Variants in ATL3 observed in about 807,000 individuals in gnomAD.
ATL3 encodes atlastin-3.
ATL3 carries 49 observed loss-of-function variants against 69.5 expected under a neutral mutation model. The ratio of observed to expected loss-of-function variants is 0.71; its 90% CI spans 0.56 to 0.89. ATL3 has a LOEUF of 0.89. Among genes scored for constraint, ATL3 ranks in the 40% least tolerant of loss-of-function variants. ATL3 has a pLI of 0.00. For synonymous variants in ATL3, 214 were observed against 224.1 expected (o/e 0.95, Z 0.40); for missense variants, 606 against 645.7 (o/e 0.94, Z 0.67).
Position 63,629,243 on chromosome 11 carries a change from G to C in ATL3, c.*76C>G, listed in dbSNP as rs878877755. 8.4e-7 allele frequency: 1 copy of C among 1,195,094 alleles called. No individual in the cohort carries two copies. The highest frequency in any genetic ancestry group is 1.2e-5 in the South Asian group (1 of 81,382). The allele number at this position is 1,195,094 out of a possible 1,614,324, so 74.0% of individuals were successfully genotyped here. On this transcript the variant is annotated 3_prime_UTR_variant, in exon 13 of 13. Transcript: ENST00000398868. ...TCAGATCTGCCATTCCTCTGGATAT[G>C]AACCTGTGGCCGTGGCAGAAACCCA...
At chr11:63,646,352 A>AT (rs1189218461) in intron 6 of ATL3, among the ~76,000 whole-genome samples, 155 bp downstream of exon 6, 1 of 152,130 alleles carries the variant, frequency 6.6e-6, no homozygotes, top group Non-Finnish European at 1.5e-5. Flanking sequence ...AGTACTGCTC[A>AT]TTTTTTTCAA....
chr11:63,653,438 C>A (rs1490895554), intron 3 of ATL3, among the ~76,000 whole-genome samples: 1 of 151,656 alleles, frequency 6.6e-6, no homozygotes, highest in Non-Finnish European at 1.5e-5. Flanking sequence ...GTACTCCAGC[C>A]TGGGTGAGAG....
rs1214800612 is a variant in ATL3, at chr11:63,625,782, G to A, written c.*3537C>T. 6.6e-6 allele frequency: 1 copy of A among 152,274 alleles called. No individual in the cohort carries two copies. The highest frequency in any genetic ancestry group is 2.4e-5 in the African/African-American group (1 of 41,454). 9.4% of individuals were successfully genotyped at this position (152,274 alleles called of 1,614,324 possible). A position where few individuals can be genotyped will look rare whatever the true frequency, so the allele number is the denominator to read the frequency against. ...ACAGGCGGATTCCCAGAGGAGTTGA[G>A]ACCAGCCTGGTCAACATGGCGAAGC... On this transcript the variant is annotated 3_prime_UTR_variant, in exon 13 of 13. Coordinates refer to ENST00000398868, the MANE Select transcript of ATL3 (RefSeq NM_015459.5).
At chr11:63,669,388 AC>A (rs1399296141) in intron 1 of ATL3, among the ~76,000 whole-genome samples, 3 of 150,770 alleles carry the variant, frequency 2.0e-5, no homozygotes, top group Non-Finnish European at 3.0e-5. Context: ...TACAAAAATT[AC>A]CCAGGCGCGG....
At chr11:63,659,943 T>C (rs565559331) in intron 1 of ATL3, among the ~76,000 whole-genome samples, 14 of 152,130 alleles carry the variant, frequency 9.2e-5, no homozygotes, top group African/African-American at 3.1e-4. Context: ...CTCAAGTTAA[T>C]GGGTGCAGCA....
Position 63,652,535 on chromosome 11 carries a change from C to CT in ATL3, c.445dup (p.Ser149LysfsTer19), listed in dbSNP as rs770614699. 30 of 1,611,732 alleles carry CT rather than the reference C, an allele frequency of 1.9e-5. 1 individual carries two copies. In the South Asian group the frequency reaches 3.3e-4, roughly 18 times the overall value. On this transcript the variant is annotated frameshift_variant, in exon 4 of 13. Transcript: ENST00000398868. LOFTEE classifies it high-confidence loss of function. Reference sequence around the variant, plus strand: ...AGCACAGTCTTTCACAGTTGACTGGCTGTCAAATGCCCCCTGGGTATCCAT... The same window carrying CT: ...AGCACAGTCTTTCACAGTTGACTGGCTTGTCAAATGCCCCCTGGGTATCCAT...
intron 1 of ATL3, among the ~76,000 whole-genome samples, chr11:63,668,023 T>C (rs572435331): frequency 6.6e-6 from 1 of 152,300 alleles, no homozygotes; most frequent in South Asian, 2.1e-4. Flanking sequence ...TAAGAACCAC[T>C]GAGTAGAGTC....
rs1179245858 is a variant in ATL3, at chr11:63,626,819, T to G, written c.*2500A>C. 6.6e-6 allele frequency: 1 copy of G among 152,146 alleles called. No homozygotes were observed. The highest frequency in any genetic ancestry group is 1.5e-5 in the Non-Finnish European group (1 of 68,026). 9.4% of individuals were successfully genotyped at this position (152,146 alleles called of 1,614,324 possible). A position where few individuals can be genotyped will look rare whatever the true frequency, so the allele number is the denominator to read the frequency against. ...ATTTATAGCCAGTAATGATAATGCA[T>G]CTTTTATTGAAAAAGCTGATATAAA... is the stretch of plus-strand genomic sequence containing the variant. On this transcript the variant is annotated 3_prime_UTR_variant, in exon 13 of 13. Transcript: ENST00000398868.
intron 5 of ATL3, among the ~76,000 whole-genome samples, chr11:63,648,573 C>T (rs912375582): frequency 6.6e-6 from 1 of 152,208 alleles, no homozygotes; most frequent in Non-Finnish European, 1.5e-5. Context: ...CTTTGGGAGG[C>T]CAAGGCAGGG....
chr11:63,636,280 T>A lies in ATL3; in HGVS notation c.905A>T (p.Asn302Ile), dbSNP rs1028875803. The A allele has an allele frequency of 8.7e-6, 14 of 1,613,842 alleles. No homozygotes were observed. The highest frequency in any genetic ancestry group is 1.2e-5 in the Non-Finnish European group (14 of 1,179,992). Residue 302 changes from asparagine (N) to isoleucine (I), a missense_variant, in exon 9 of 13, where the codon AAC becomes ATC. By Grantham distance (149) the Asn-to-Ile change is moderately radical. Coordinates refer to ENST00000398868, the MANE Select transcript of ATL3 (RefSeq NM_015459.5). ...CTCCTTTTCCATTAACTTAGATGGG[T>A]TTAATACATACGGTATCAGTGCCTG... ...QLQALIPYVL[N>I]PSKLMEKEIN...
At chr11:63,648,935 T>C (rs1425216978) in intron 5 of ATL3, among the ~76,000 whole-genome samples, 1 of 151,908 alleles carries the variant, frequency 6.6e-6, no homozygotes, top group Non-Finnish European at 1.5e-5. Context: ...CTGACCAACA[T>C]AGTGAAACCC....
intron 8 of ATL3, among the ~76,000 whole-genome samples, chr11:63,639,222 T>C (rs995737716): frequency 3.3e-5 from 5 of 152,162 alleles, no homozygotes; most frequent in African/African-American, 1.2e-4. Context: ...AGCATCCAAT[T>C]TACTCTTCAC....
chr11:63,650,289 T>C (rs1033753427), intron 5 of ATL3, among the ~76,000 whole-genome samples: 5 of 152,240 alleles, frequency 3.3e-5, no homozygotes, highest in African/African-American at 7.2e-5. Context: ...TTAAATCTTT[T>C]ATATGCCTCA....
At chr11:63,663,761 T>G (rs937447287) in intron 1 of ATL3, among the ~76,000 whole-genome samples, 2 of 152,232 alleles carry the variant, frequency 1.3e-5, no homozygotes, top group Non-Finnish European at 2.9e-5. Flanking sequence ...GGCAGAGATG[T>G]CTGGTTGTTC....
chr11:63,665,303 G>A (rs533971863), intron 1 of ATL3, among the ~76,000 whole-genome samples: 1 of 148,080 alleles, frequency 6.8e-6, no homozygotes, highest in South Asian at 2.1e-4. Context: ...CTGAGATTAA[G>A]CCATTGCACT....
intron 4 of ATL3, 134 bp from the exon 5 acceptor site, chr11:63,652,120 A>G (rs1940096954): frequency 7.1e-7 from 1 of 1,414,072 alleles, no homozygotes; most frequent in Admixed American, 3.4e-5. Flanking sequence ...TCAAACAGCA[A>G]TATGATCTGT....
At position 63,629,308 on chromosome 11, in the gene ATL3, A is replaced by G. The variant is rs916950653; in HGVS notation, c.*11T>C. ...CTTGTTGTGTTCTTGTTTGATCTTC[A>G]CGTTAAGATGCTATTGAGCTTTTTT... is the stretch of plus-strand genomic sequence containing the variant. On this transcript the variant is annotated 3_prime_UTR_variant, in exon 13 of 13. Transcript: ENST00000398868. 11 of 1,610,170 alleles carry G rather than the reference A, an allele frequency of 6.8e-6. No homozygotes were observed. The highest frequency in any genetic ancestry group is 1.3e-5 in the African/African-American group (1 of 74,844).
At chr11:63,651,241 G>A (rs193033393) in intron 5 of ATL3, among the ~76,000 whole-genome samples, 1,621 of 152,086 alleles carry the variant, frequency 0.011, 9 homozygotes, top group Middle Eastern at 0.041. Context: ...CGGATCACGA[G>A]GTCAACAATT....
chr11:63,670,921 G>A (rs1565287255), intron 1 of ATL3, among the ~76,000 whole-genome samples: 2 of 152,156 alleles, frequency 1.3e-5, no homozygotes, highest in Admixed American at 1.3e-4. Flanking sequence ...GCTCTGCCCA[G>A]GGCGGGGCTC....
Sources: gnomAD v4.1 joint callset for allele counts (sites outside exome capture counted in the v4.1 genomes callset) on GRCh38, gnomAD v4.1.1 for gene constraint, MANE v1.5 for transcripts, NCBI Gene and HGNC (gene_info 2026-07-23, HGNC 2026-07-21) for gene names.